Variants in NEB observed in about 807,000 individuals in gnomAD.
The protein encoded by NEB is nebulin.
In NEB, 512 loss-of-function variants were observed where a neutral mutation model predicts 952.2. The observed-to-expected ratio is 0.54, with a 90% CI of 0.50 to 0.58. The LOEUF is 0.58. Ranked by LOEUF, NEB falls within the 20% of genes least tolerant of loss-of-function variation. NEB has a pLI of 0.00. For synonymous variants in NEB, 2,900 were observed against 3,149.8 expected, an observed-to-expected ratio of 0.92 and a Z score of 2.66; for missense variants, 8,428 against 9,231.1, an observed-to-expected ratio of 0.91 and a Z score of 3.56.
intron 5 of NEB, among the ~76,000 whole-genome samples, chr2:151,727,003 T>A (rs1476043065): frequency 6.7e-6 from 1 of 150,142 alleles, no homozygotes; most frequent in Non-Finnish European, 1.5e-5. Context: ...TGAGCTGTGA[T>A]CAAGCTATTG....
intron 171 of NEB, 103 bp downstream of exon 171, chr2:151,497,523 T>C: frequency 1.3e-6 from 2 of 1,501,914 alleles, no homozygotes; most frequent in African/African-American, 1.4e-5. Context: ...ATTCACAAAA[T>C]TTAAGTTGTC....
Position 151,492,209 on chromosome 2 carries a change from G to A in NEB, c.24946C>T (p.Arg8316Ter), listed in dbSNP as rs758327681. The A allele has an allele frequency of 8.7e-6, 14 of 1,613,626 alleles. No individual in the cohort carries two copies. Among genetic ancestry groups the A allele is most frequent in the South Asian group, 2.2e-5 (2 of 91,068 alleles). Reference sequence around the variant, plus strand: ...AAGTCCTGCATGTTCTTCTTTACTCGTTCAGTGATAGGATCTGTCACCACT... The same window carrying A: ...AAGTCCTGCATGTTCTTCTTTACTCATTCAGTGATAGGATCTGTCACCACT... The part of the protein sequence containing the change: ...TPVVTDPITE[R>*]VKKNMQDFSD... Residue 8316 changes from arginine (R) to a stop codon, truncating the protein, a stop_gained, in exon 178 of 182, where the codon CGA becomes TGA. Coordinates refer to ENST00000397345, the MANE Select transcript of NEB (RefSeq NM_001164508.2). LOFTEE classifies it high-confidence loss of function.
chr2:151,659,737 T>G (rs559424609), intron 46 of NEB, among the ~76,000 whole-genome samples: 1 of 152,340 alleles, frequency 6.6e-6, no homozygotes, highest in South Asian at 2.1e-4. Context: ...CTGTGTAAAT[T>G]AAAACAGACA....
intron 107 of NEB, among the ~76,000 whole-genome samples, chr2:151,574,187 G>A (rs1412883373): frequency 6.6e-6 from 1 of 152,188 alleles, no homozygotes; most frequent in Non-Finnish European, 1.5e-5. Context: ...TGTTAGGCAG[G>A]ATGGTCTCGA....
chr2:151,526,989 C>G lies in NEB; in HGVS notation c.21874G>C (p.Gly7292Arg), dbSNP rs1461639452. 6.2e-7 allele frequency: 1 copy of G among 1,602,792 alleles called. No homozygotes were observed. The highest frequency in any genetic ancestry group is 8.5e-7 in the Non-Finnish European group (1 of 1,173,902). Reference protein sequence around the residue: ...EYKLDREFLKGCKLSVTDDKN... With the variant: ...EYKLDREFLKRCKLSVTDDKN... ...TCATCAGTGACAGAAAGCTTGCAAC[C>G]CTTGAGGAACTCCCGGTCCAGCTTA... is the stretch of plus-strand genomic sequence containing the variant. The change falls in exon 148 of 182, where the codon GGT becomes CGT. Residue 7292 changes from glycine (G) to arginine (R), a missense_variant. Physicochemically the swap from Gly to Arg is moderately radical, Grantham distance 125. Around this residue, in one of 11 missense-constraint regions of NEB, gnomAD observed 3,374 missense variants for 3,651.5 expected, o/e 0.92. Transcript: ENST00000397345.
rs991196845 is a variant in NEB, at chr2:151,554,023, G to T, written c.19431C>A (p.Arg6477=). The T allele has an allele frequency of 2.5e-6, 4 of 1,613,470 alleles. No individual in the cohort carries two copies. Among genetic ancestry groups the T allele is most frequent in the Admixed American group, 1.7e-5 (1 of 60,008 alleles). ...CLRVGKLNID[R]LYRSVYEKNK... ...TCTTTTCATAAACTGATCTGTACAG[G>T]CGCTGTAAAGTTAAAATCACATGCC... Residue 6477 remains arginine, a splice_region_variant and synonymous_variant, in exon 126 of 182, where the codon CGC becomes CGA. Transcript: ENST00000397345.
chr2:151,536,306 G>A (rs1024424986), intron 141 of NEB, among the ~76,000 whole-genome samples: 3 of 152,184 alleles, frequency 2.0e-5, no homozygotes, highest in African/African-American at 7.2e-5. Context: ...TGGACACGAC[G>A]AAAACACTTC....
Position 151,697,423 on chromosome 2 carries a change from A to C in NEB, c.1292T>G (p.Leu431Trp), listed in dbSNP as rs1300089322. 6.2e-7 allele frequency: 1 copy of C among 1,613,722 alleles called. No individual in the cohort carries two copies. The highest frequency in any genetic ancestry group is 8.5e-7 in the Non-Finnish European group (1 of 1,179,788). ...KYKDSYLKDI[L>W]GHYVGSFEDP... ...CTCGAAGCTGCCTACATAATGTCCCAAAATATCTTTTAAGTAGGAATCTTT... is the reference window on the plus strand; with the variant it reads ...CTCGAAGCTGCCTACATAATGTCCCCAAATATCTTTTAAGTAGGAATCTTT... The change falls in exon 15 of 182, where the codon TTG (leucine) becomes TGG (tryptophan). Residue 431 changes from leucine (L) to tryptophan (W), a missense_variant. This residue lies in a region of NEB where 2,851 missense variants were observed against 2,791.5 expected (regional missense o/e 1.02). Coordinates refer to ENST00000397345, the MANE Select transcript of NEB (RefSeq NM_001164508.2).
intron 117 of NEB, 35 bp from the exon 118 acceptor site, chr2:151,563,965 C>A (rs1344589859): frequency 7.1e-7 from 1 of 1,417,592 alleles, no homozygotes; most frequent in African/African-American, 1.4e-5. Flanking sequence ...CAAAAGTTTT[C>A]TTTCAACTTC....
chr2:151,570,268 CG>C lies in NEB; in HGVS notation c.17242del (p.Arg5748GlyfsTer51). On this transcript the variant is annotated frameshift_variant, in exon 109 of 182. Coordinates refer to ENST00000397345, the MANE Select transcript of NEB (RefSeq NM_001164508.2). LOFTEE classifies it high-confidence loss of function. ...GGCCTTCCATTTGGCCCAGTCCAGC[CG>C]GTACTCTCGTTCATTCTGGAGCTTG... ...ADKLQNEREY[R>X]LDWAKWKAKI... 2 of 1,613,744 alleles carry C rather than the reference CG, an allele frequency of 1.2e-6. No individual in the cohort carries two copies. Among genetic ancestry groups the C allele is most frequent in the Non-Finnish European group, 1.7e-6 (2 of 1,179,824 alleles).
At chr2:151,632,309 T>C (rs1156580848) in intron 65 of NEB, among the ~76,000 whole-genome samples, 1 of 141,850 alleles carries the variant, frequency 7.0e-6, no homozygotes, top group African/African-American at 2.5e-5. Flanking sequence ...TATTTTGTAG[T>C]CTAGACAAAA....
chr2:151,552,626 G>C (rs762879668), intron 128 of NEB, 46 bp downstream of exon 128: 81 of 1,365,418 alleles, frequency 5.9e-5, no homozygotes, highest in Non-Finnish European at 8.0e-5. Flanking sequence ...TTGAGTGGTG[G>C]CCCTGCTTTA....
At chr2:151,666,702 G>A (rs1346820838) in intron 40 of NEB, among the ~76,000 whole-genome samples, 1 of 151,780 alleles carries the variant, frequency 6.6e-6, no homozygotes, top group Non-Finnish European at 1.5e-5. Context: ...TTTGATGTAC[G>A]CTTTTTTTGT....
rs535663567 is a variant in NEB, at chr2:151,664,338, A to G, written c.5451+163T>C. 6.6e-5 allele frequency among the ~76,000 whole-genome samples: 10 copies of G among 152,332 alleles called. No individual in the cohort carries two copies. The South Asian group carries it at 2.1e-3, about 32-fold the overall frequency. On this transcript the variant is annotated intron_variant, in intron 44 of 181. Transcript: ENST00000397345. ...ACTTACATTAAATAATGAACAGATGATTAGAGGGTACTTGGATGGGGTGAA... is the reference window on the plus strand; with the variant it reads ...ACTTACATTAAATAATGAACAGATGGTTAGAGGGTACTTGGATGGGGTGAA...
In NEB at chr2:151,524,508, C is replaced by CCCTTACCTCACTG; in HGVS notation, c.22368_22374+6dup. ...GGGGACTGGGGACATTTTCATGACA[C>CCCTTACCTCACTG]CCTTACCTCACTGGCCTGTTTGGCT... is the stretch of plus-strand genomic sequence containing the variant. On this transcript the variant is annotated splice_region_variant and intron_variant, in intron 152 of 181. Coordinates refer to ENST00000397345, the MANE Select transcript of NEB (RefSeq NM_001164508.2). 1 of 1,613,854 alleles carries CCCTTACCTCACTG rather than the reference C, an allele frequency of 6.2e-7. No individual in the cohort carries two copies.
At position 151,727,144 on chromosome 2, in the gene NEB, G is replaced by A. The variant is rs574242986; in HGVS notation, c.294+547C>T. On this transcript the variant is annotated intron_variant, in intron 5 of 181. Coordinates refer to ENST00000397345, the MANE Select transcript of NEB (RefSeq NM_001164508.2). ...AGCATCATTAGTTTTAAAATTCCCA[G>A]GGGGTTCCAGTGTGCAGCCATGGTT... is the stretch of plus-strand genomic sequence containing the variant. 5.4e-4 allele frequency among the ~76,000 whole-genome samples: 82 copies of A among 151,952 alleles called. 1 individual carries two copies. Among genetic ancestry groups the A allele is most frequent in the Non-Finnish European group, 4.1e-4 (28 of 67,998 alleles).
rs1392019469 is a variant in NEB, at chr2:151,492,262, A to G, written c.24893T>C (p.Phe8298Ser). 9 of 1,613,028 alleles carry G rather than the reference A, an allele frequency of 5.6e-6. No homozygotes were observed. The highest frequency in any genetic ancestry group is 3.3e-4 in the Middle Eastern group (2 of 6,056). The change falls in exon 178 of 182, where the codon TTT (phenylalanine) becomes TCT (serine). Residue 8298 changes from phenylalanine to serine, a missense_variant. This residue lies in a region of NEB where 3,374 missense variants were observed against 3,651.5 expected (regional missense o/e 0.92). Transcript: ENST00000397345. ...HISTVKYHED[F>S]EKHKGCFTPV... ...TGTGAAGCAACCCTTGTGTTTCTCA[A>G]AGTCTTCATGATATTTCACCTGAAA...
chr2:151,663,888 G>T, intron 44 of NEB, 29 bp from the exon 45 acceptor site: 4 of 1,588,818 alleles, frequency 2.5e-6, no homozygotes, highest in South Asian at 1.1e-5. Context: ...TTATGGTGAT[G>T]AAAATGGTAA....
chr2:151,522,237 G>T (rs2082424267), intron 153 of NEB, among the ~76,000 whole-genome samples: 2 of 151,990 alleles, frequency 1.3e-5, no homozygotes, highest in South Asian at 4.2e-4. Context: ...ATGTATACTG[G>T]TGCTTCTAAA....
Sources: gnomAD v4.1 joint callset for allele counts (sites outside exome capture counted in the v4.1 genomes callset) on GRCh38, gnomAD v4.1.1 for gene constraint, gnomAD v4.1.1 regional missense constraint, MANE v1.5 for transcripts, NCBI Gene and HGNC (gene_info 2026-07-23, HGNC 2026-07-21) for gene names.